RCBTB1: variants seen among roughly 807,000 people sequenced by gnomAD.
RCBTB1 encodes the protein RCC1 and BTB domain-containing protein 1.
In RCBTB1, 46 loss-of-function variants were observed where a neutral mutation model predicts 62.4. That is an observed-to-expected ratio of 0.74 (90% CI 0.58 to 0.94). RCBTB1 has a LOEUF of 0.94. Ranked by LOEUF, RCBTB1 falls within the 40% of genes least tolerant of loss-of-function variation. The pLI is 0.00. For synonymous variants in RCBTB1, 222 were observed against 245.8 expected, an observed-to-expected ratio of 0.90 and a Z score of 0.91; for missense variants, 565 against 654.9, an observed-to-expected ratio of 0.86 and a Z score of 1.50.
chr13:49,537,872 T>C (rs1960054937), intron 12 of RCBTB1: 1 of 152,216 alleles, frequency 6.6e-6, no homozygotes. Flanking sequence ...CAACTTACTT[T>C]TGAAACTCCC....
At chr13:49,547,446 T>G (rs1226009455) in intron 9 of RCBTB1, among the ~76,000 whole-genome samples, 1 of 152,310 alleles carries the variant, frequency 6.6e-6, no homozygotes, top group Non-Finnish European at 1.5e-5. Flanking sequence ...CAGAGCATCA[T>G]GACCCACTTA....
chr13:49,542,833 G>A (rs1439344335), intron 10 of RCBTB1, among the ~76,000 whole-genome samples: 2 of 151,832 alleles, frequency 1.3e-5, no homozygotes, highest in African/African-American at 4.8e-5. Flanking sequence ...CTCCTACACT[G>A]TATTTACATG....
chr13:49,543,534 A>T (rs1002010952), intron 10 of RCBTB1, among the ~76,000 whole-genome samples: 4 of 152,180 alleles, frequency 2.6e-5, no homozygotes, highest in African/African-American at 9.7e-5. Context: ...TTTCAAATGT[A>T]TTTCTTTGCC....
intron 2 of RCBTB1, among the ~76,000 whole-genome samples, chr13:49,572,623 C>T (rs971075776): frequency 6.6e-6 from 1 of 151,976 alleles, no homozygotes; most frequent in African/African-American, 2.4e-5. Context: ...GCCAACATGG[C>T]AAAACCCTGT....
In RCBTB1 at chr13:49,533,998, A is replaced by G; in HGVS notation, c.*124T>C. The stretch of plus-strand genomic sequence containing the variant: ...GTTCCTACACAAACAACTGTGTCCC[A>G]GATGTGGAAAAAAACAACCTGATGG... On this transcript the variant is annotated 3_prime_UTR_variant, in exon 13 of 13. Transcript: ENST00000378302. 1.0e-6 allele frequency: 1 copy of G among 960,190 alleles called. No individual in the cohort carries two copies. Among genetic ancestry groups the G allele is most frequent in the East Asian group, 2.5e-5 (1 of 40,504 alleles). The allele number at this position is 960,190 out of a possible 1,614,324, so 59.5% of individuals were successfully genotyped here. A position where few individuals can be genotyped will look rare whatever the true frequency, so the allele number is the denominator to read the frequency against.
At chr13:49,548,286 G>A (rs1960997467) in intron 9 of RCBTB1, among the ~76,000 whole-genome samples, 1 of 151,840 alleles carries the variant, frequency 6.6e-6, no homozygotes, top group South Asian at 2.1e-4. Flanking sequence ...CAGCTACTCA[G>A]GAGGCTAAGG....
chr13:49,579,530 A>T (rs558439811), intron 2 of RCBTB1, among the ~76,000 whole-genome samples: 1 of 152,198 alleles, frequency 6.6e-6, no homozygotes, highest in East Asian at 1.9e-4. Flanking sequence ...AGGCTGAGGC[A>T]GGAGAATGGC....
chr13:49,534,392 C>A, intron 12 of RCBTB1, 130 bp from the exon 13 acceptor site: 3 of 922,462 alleles, frequency 3.3e-6, no homozygotes, highest in South Asian at 3.4e-5. Flanking sequence ...GGCCAGATAC[C>A]TAAAACTAGG....
chr13:49,574,033 C>G (rs1963596129), intron 2 of RCBTB1, among the ~76,000 whole-genome samples: 2 of 149,962 alleles, frequency 1.3e-5, no homozygotes, highest in Non-Finnish European at 3.0e-5. Flanking sequence ...ATCCACCCAC[C>G]TGGGCCTCCC....
chr13:49,559,962 C>T lies in RCBTB1; in HGVS notation c.400G>A (p.Ala134Thr). The T allele has an allele frequency of 6.2e-7, 1 of 1,614,158 alleles. No homozygotes were observed. The highest frequency in any genetic ancestry group is 8.5e-7 in the Non-Finnish European group (1 of 1,180,018). ...NLLIKQVVEV[A>T]CGSHHSMALA... Reference sequence around the variant, plus strand: ...GCCATTGAATGATGTGAGCCACAAGCTACTTCCACCACTTGCTTGATCAAG... The same window carrying T: ...GCCATTGAATGATGTGAGCCACAAGTTACTTCCACCACTTGCTTGATCAAG... Residue 134 changes from alanine (A) to threonine (T), a missense_variant, in exon 5 of 13, where the codon GCT (alanine) becomes ACT (threonine). Transcript: ENST00000378302.
intron 5 of RCBTB1, 129 bp from the exon 6 acceptor site, chr13:49,555,802 G>T (rs1961812208): frequency 1.5e-6 from 1 of 685,968 alleles, no homozygotes; most frequent in Non-Finnish European, 2.4e-6. Context: ...GGTTCTATAT[G>T]CTTTACACAC....
At chr13:49,567,599 C>T (rs1427297569) in intron 2 of RCBTB1, among the ~76,000 whole-genome samples, 1 of 152,176 alleles carries the variant, frequency 6.6e-6, no homozygotes, top group African/African-American at 2.4e-5. Flanking sequence ...TTCCAACTCA[C>T]CCTCTTCTTA....
chr13:49,555,708 G>GT, intron 5 of RCBTB1, 35 bp from the exon 6 acceptor site: 1 of 1,480,778 alleles, frequency 6.8e-7, no homozygotes, highest in Non-Finnish European at 9.1e-7. Flanking sequence ...GGAAAGAATA[G>GT]TCAGGGTGAA....
chr13:49,571,704 C>T (rs547860873), intron 2 of RCBTB1, among the ~76,000 whole-genome samples: 5 of 152,216 alleles, frequency 3.3e-5, no homozygotes, highest in Admixed American at 1.3e-4. Flanking sequence ...AACTTGGGCG[C>T]GTGGCATTTC....
At chr13:49,572,191 G>A (rs1174875211) in intron 2 of RCBTB1, among the ~76,000 whole-genome samples, 1 of 152,132 alleles carries the variant, frequency 6.6e-6, no homozygotes, top group East Asian at 1.9e-4. Context: ...TCCAGGAGTA[G>A]TGGCATGCAC....
At chr13:49,557,505 T>G (rs1179103870) in intron 5 of RCBTB1, among the ~76,000 whole-genome samples, 1 of 152,004 alleles carries the variant, frequency 6.6e-6, no homozygotes, top group Non-Finnish European at 1.5e-5. Context: ...CCAAACTCAT[T>G]ACATATACTG....
At chr13:49,572,998 T>C (rs768941007) in intron 2 of RCBTB1, among the ~76,000 whole-genome samples, 6 of 152,164 alleles carry the variant, frequency 3.9e-5, no homozygotes, top group Admixed American at 3.3e-4. Context: ...CTGAGCAAGG[T>C]AGCCCAACTC....
At chr13:49,579,910 A>G (rs1295019738) in intron 2 of RCBTB1, among the ~76,000 whole-genome samples, 1 of 152,222 alleles carries the variant, frequency 6.6e-6, no homozygotes, top group Non-Finnish European at 1.5e-5. Context: ...CCAACCACTA[A>G]TAAGTTATTT....
rs909306380 is a variant in RCBTB1 at position 49,533,062 on chromosome 13, G to A, written c.*1060C>T. On this transcript the variant is annotated 3_prime_UTR_variant, in exon 13 of 13. Transcript: ENST00000378302. ...TATACCTAAGATGTTTAAAAACAGAGGAAAACCAAAAGTGAAAGATGATAA... is the reference window on the plus strand; with the variant it reads ...TATACCTAAGATGTTTAAAAACAGAAGAAAACCAAAAGTGAAAGATGATAA... 6.6e-6 allele frequency: 1 copy of A among 150,422 alleles called. No individual in the cohort carries two copies. Among genetic ancestry groups the A allele is most frequent in the Non-Finnish European group, 1.5e-5 (1 of 67,670 alleles). The allele number at this position is 150,422 out of a possible 1,614,324, so 9.3% of individuals were successfully genotyped here. A position where few individuals can be genotyped will look rare whatever the true frequency, so the allele number is the denominator to read the frequency against.
Sources: allele counts gnomAD v4.1 joint callset (sites outside exome capture counted in the v4.1 genomes callset), GRCh38; gene constraint gnomAD v4.1.1; transcripts MANE v1.5; gene names NCBI Gene and HGNC (gene_info 2026-07-23, HGNC 2026-07-21).